SAAL1: variants seen among roughly 807,000 people sequenced by gnomAD.
The protein encoded by SAAL1 is protein SAAL1.
A neutral mutation model predicts 59.8 loss-of-function variants in SAAL1; 42 were observed. The observed-to-expected ratio is 0.70, with a 90% CI of 0.55 to 0.91. SAAL1 has a LOEUF of 0.91. SAAL1 is among the 40% of genes least tolerant of loss of function. The pLI is 0.00. For synonymous variants in SAAL1, 191 were observed against 194.3 expected, an observed-to-expected ratio of 0.98 and a Z score of 0.14; for missense variants, 542 against 561.1, an observed-to-expected ratio of 0.97 and a Z score of 0.34.
At chr11:18,083,895 A>G (rs567634113) in intron 9 of SAAL1, among the ~76,000 whole-genome samples, 164 bp from the exon 10 acceptor site, 17 of 152,364 alleles carry the variant, frequency 1.1e-4, no homozygotes, top group African/African-American at 4.1e-4. Context: ...ATACTTTCAA[A>G]TAAGTAAATA....
intron 6 of SAAL1, among the ~76,000 whole-genome samples, 192 bp from the exon 7 acceptor site, chr11:18,089,702 T>C (rs1020651585): frequency 6.6e-6 from 1 of 152,178 alleles, no homozygotes; most frequent in African/African-American, 2.4e-5. Context: ...AATTTATCAG[T>C]GTCCCAGGAG....
chr11:18,102,375 C>T (rs1177454638), intron 2 of SAAL1, among the ~76,000 whole-genome samples: 4 of 148,550 alleles, frequency 2.7e-5, no homozygotes, highest in Non-Finnish European at 4.4e-5. Context: ...GTACTCCAGC[C>T]TAGGTGATAG....
intron 3 of SAAL1, among the ~76,000 whole-genome samples, chr11:18,094,380 T>A (rs978510667): frequency 6.6e-6 from 1 of 152,208 alleles, no homozygotes; most frequent in African/African-American, 2.4e-5. Context: ...CAGAGCTGAC[T>A]GCTAAATTGA....
intron 7 of SAAL1, among the ~76,000 whole-genome samples, chr11:18,087,783 C>A (rs1157405958): frequency 6.6e-6 from 1 of 152,158 alleles, no homozygotes; most frequent in African/African-American, 2.4e-5. Context: ...AGACAGTGAA[C>A]AATTAAAACA....
chr11:18,086,163 GAAGGC>G (rs1254524267), intron 9 of SAAL1, among the ~76,000 whole-genome samples: 2 of 152,154 alleles, frequency 1.3e-5, no homozygotes, highest in Admixed American at 1.3e-4. Flanking sequence ...CAGCACTCTG[GAAGGC>G]AAGGCAGGAA....
At position 18,089,377 on chromosome 11, in the gene SAAL1, TG is replaced by T; in HGVS notation, c.722del (p.Pro241GlnfsTer83). On this transcript the variant is annotated frameshift_variant, in exon 7 of 12. Coordinates refer to ENST00000524803, the MANE Select transcript of SAAL1 (RefSeq NM_138421.3). LOFTEE classifies it high-confidence loss of function. ...GTATACAGGGCACAAGCCGAAACAC[TG>T]GCTGCTCTTCAGACTCTTCCTGGGG... is the stretch of plus-strand genomic sequence containing the variant. ...DQPQEESEEQ[P>X]VFRLVPCILE... is the part of the protein sequence containing the mutation. The T allele has an allele frequency of 6.3e-7, 1 of 1,599,394 alleles. No individual in the cohort carries two copies. Among genetic ancestry groups the T allele is most frequent in the South Asian group, 1.1e-5 (1 of 88,528 alleles).
At chr11:18,081,557 C>T (rs1848410103) in intron 10 of SAAL1, 54 bp from the exon 11 acceptor site, 1 of 1,342,686 alleles carries the variant, frequency 7.4e-7, no homozygotes, top group African/African-American at 1.4e-5. Flanking sequence ...CAAGCTTTAA[C>T]TAGTGAATAA....
Position 18,090,184 on chromosome 11 carries a change from A to C in SAAL1, c.580T>G (p.Ser194Ala). ...YDSICFIMSS[S>A]TNVDLLVKVG... The stretch of plus-strand genomic sequence containing the variant: ...GTACATGATGACTTACCATTTGTTG[A>C]ACTTGACATAATGAAGCAAATGCTA... The change falls in exon 6 of 12, where the codon TCA (serine) becomes GCA (alanine). Residue 194 changes from serine to alanine, a missense_variant. Physicochemically the swap from Ser to Ala is moderately conservative, Grantham distance 99 (BLOSUM62 1). Transcript: ENST00000524803. 1 of 1,592,420 alleles carries C rather than the reference A, an allele frequency of 6.3e-7. No homozygotes were observed. The highest frequency in any genetic ancestry group is 2.2e-5 in the East Asian group (1 of 44,752).
chr11:18,084,724 A>C (rs1256271989), intron 9 of SAAL1, among the ~76,000 whole-genome samples: 1 of 152,232 alleles, frequency 6.6e-6, no homozygotes, highest in Non-Finnish European at 1.5e-5. Context: ...ACTCTTAATA[A>C]AATAGAAACA....
chr11:18,103,629 A>G (rs535302275), intron 1 of SAAL1, among the ~76,000 whole-genome samples: 2 of 152,208 alleles, frequency 1.3e-5, no homozygotes, highest in South Asian at 2.1e-4. Context: ...GTGTGTGTGT[A>G]CCTGTGATGG....
chr11:18,095,974 G>A (rs1848571287), intron 3 of SAAL1, among the ~76,000 whole-genome samples: 1 of 152,198 alleles, frequency 6.6e-6, no homozygotes, highest in Admixed American at 6.5e-5. Context: ...TAAATCAGAA[G>A]GGTTACCTGG....
intron 11 of SAAL1, 49 bp downstream of exon 11, chr11:18,081,362 T>G (rs373060038): frequency 5.1e-5 from 66 of 1,293,290 alleles, no homozygotes; most frequent in Non-Finnish European, 7.2e-5. Flanking sequence ...TGAAAACATT[T>G]AGTAATCCTA....
chr11:18,103,125 A>T, intron 2 of SAAL1, 108 bp downstream of exon 2: 1 of 754,992 alleles, frequency 1.3e-6, no homozygotes, highest in Non-Finnish European at 2.4e-6. Flanking sequence ...GTGATTACAG[A>T]CAGGAGATAA....
intron 2 of SAAL1, among the ~76,000 whole-genome samples, chr11:18,097,251 A>T (rs1019837937): frequency 6.6e-6 from 1 of 152,026 alleles, no homozygotes; most frequent in South Asian, 2.1e-4. Flanking sequence ...AAAAATAAAA[A>T]AATAAAATAA....
At chr11:18,103,939 A>G (rs1848662168) in intron 1 of SAAL1, among the ~76,000 whole-genome samples, 1 of 152,228 alleles carries the variant, frequency 6.6e-6, no homozygotes, top group African/African-American at 2.4e-5. Context: ...ATCAAAGAAT[A>G]AAGGTTGTAG....
intron 7 of SAAL1, among the ~76,000 whole-genome samples, chr11:18,088,957 C>G (rs1323852459): frequency 6.6e-6 from 1 of 152,170 alleles, no homozygotes; most frequent in East Asian, 1.9e-4. Context: ...ACATCGGTCA[C>G]TTATTGAAGA....
chr11:18,096,576 C>T (rs995969642), intron 3 of SAAL1, among the ~76,000 whole-genome samples, 195 bp downstream of exon 3: 2 of 151,748 alleles, frequency 1.3e-5, no homozygotes, highest in Admixed American at 6.6e-5. Flanking sequence ...ATAGTGAGAC[C>T]CTGTCTCAAA....
Position 18,089,442 on chromosome 11 carries a change from C to G in SAAL1, c.658G>C (p.Glu220Gln). Reference sequence around the variant, plus strand: ...TGAGCAGCCCCATTTCTGACCCATTCTAACATTAGTTTCTCATCCAAATCA... The same window carrying G: ...TGAGCAGCCCCATTTCTGACCCATTGTAACATTAGTTTCTCATCCAAATCA... The part of the protein sequence containing the change: ...LFDLDEKLML[E>Q]WVRNGAAQPL... Residue 220 changes from glutamate (E) to glutamine (Q), a missense_variant, in exon 7 of 12, where the codon GAA becomes CAA. Transcript: ENST00000524803. The G allele has an allele frequency of 1.9e-6, 3 of 1,612,958 alleles. No individual in the cohort carries two copies. Among genetic ancestry groups the G allele is most frequent in the Non-Finnish European group, 2.5e-6 (3 of 1,179,616 alleles).
intron 2 of SAAL1, among the ~76,000 whole-genome samples, chr11:18,100,467 C>T (rs1169081947): frequency 1.1e-4 from 17 of 152,204 alleles, no homozygotes; most frequent in African/African-American, 3.9e-4. Flanking sequence ...TGGTGGCTCA[C>T]GCCTGTAATC....
Sources: allele counts gnomAD v4.1 joint callset (sites outside exome capture counted in the v4.1 genomes callset), GRCh38; gene constraint gnomAD v4.1.1; transcripts MANE v1.5; gene names NCBI Gene and HGNC (gene_info 2026-07-23, HGNC 2026-07-21).